The following RCL1 variants were observed in gnomAD, a reference collection of about 807,000 sequenced individuals.
RCL1 encodes RNA terminal phosphate cyclase like 1, also known as RNA 3'-terminal phosphate cyclase-like protein.
Under a neutral mutation model 42.4 loss-of-function variants are expected in RCL1, and 24 were observed. The observed-to-expected ratio is 0.57, with a 90% confidence interval of 0.41 to 0.80. The LOEUF is 0.80. Ranked by LOEUF, RCL1 falls within the 30% of genes least tolerant of loss-of-function variation. The pLI is 0.00. For synonymous variants in RCL1, 228 were observed against 177.3 expected, an observed-to-expected ratio of 1.29 and a Z score of -2.27; for missense variants, 578 against 467.9, an observed-to-expected ratio of 1.24 and a Z score of -2.17.
intron 5 of RCL1, among the ~76,000 whole-genome samples, chr9:4,835,438 GA>G (rs1817089406): frequency 6.6e-6 from 1 of 152,160 alleles, no homozygotes; most frequent in Non-Finnish European, 1.5e-5. Context: ...AAGAGTGCTG[GA>G]TCCCTATCCC....
intron 5 of RCL1, chr9:4,839,556 TG>T: frequency 1.7e-6 from 1 of 577,586 alleles, no homozygotes; most frequent in Non-Finnish European, 2.2e-6. Flanking sequence ...AGCACCTGCT[TG>T]GTCCAAAGGG....
intron 1 of RCL1, among the ~76,000 whole-genome samples, chr9:4,806,872 A>G (rs1815995621): frequency 6.6e-6 from 1 of 152,184 alleles, no homozygotes; most frequent in African/African-American, 2.4e-5. Flanking sequence ...CATATGGGCC[A>G]AGAGATTTCT....
At chr9:4,797,098 C>T (rs766611211) in intron 1 of RCL1, among the ~76,000 whole-genome samples, 38 of 152,288 alleles carry the variant, frequency 2.5e-4, no homozygotes, top group Middle Eastern at 3.4e-3. Flanking sequence ...TTCTGCCTTT[C>T]GCTATTAGCT....
At chr9:4,811,916 T>C (rs1416244632) in intron 1 of RCL1, among the ~76,000 whole-genome samples, 9 of 152,256 alleles carry the variant, frequency 5.9e-5, no homozygotes, top group East Asian at 5.8e-4. Flanking sequence ...TGATATCTCA[T>C]TGGGGTTTTG....
At chr9:4,826,501 T>A (rs150698125) in intron 2 of RCL1, among the ~76,000 whole-genome samples, 2 of 152,332 alleles carry the variant, frequency 1.3e-5, no homozygotes, top group East Asian at 3.9e-4. Context: ...TTTAAGCACA[T>A]CATTTGTAAT....
chr9:4,834,087 G>C (rs372465798), intron 4 of RCL1, 54 bp from the exon 5 acceptor site: 5 of 1,586,236 alleles, frequency 3.2e-6, no homozygotes, highest in South Asian at 1.1e-5. Flanking sequence ...AGGGTGTCAG[G>C]GTAATCCATT....
intron 7 of RCL1, among the ~76,000 whole-genome samples, chr9:4,846,132 C>G (rs973446224): frequency 6.6e-6 from 1 of 152,210 alleles, no homozygotes; most frequent in Admixed American, 6.5e-5. Context: ...TTATAGTCTA[C>G]TCCCTTGATC....
chr9:4,836,952 C>T (rs372394665), intron 5 of RCL1, among the ~76,000 whole-genome samples: 2 of 152,238 alleles, frequency 1.3e-5, no homozygotes, highest in South Asian at 4.2e-4. Context: ...TGTCCCCCAG[C>T]CCATGTAAGC....
chr9:4,838,211 C>G (rs1409596961), intron 5 of RCL1, among the ~76,000 whole-genome samples: 1 of 152,146 alleles, frequency 6.6e-6, no homozygotes, highest in Non-Finnish European at 1.5e-5. Context: ...CTCTTGTGTG[C>G]ATTTGTGGTT....
intron 1 of RCL1, among the ~76,000 whole-genome samples, chr9:4,819,967 C>A (rs372512091): frequency 5.3e-5 from 8 of 152,010 alleles, no homozygotes; most frequent in Non-Finnish European, 1.0e-4. Context: ...ACCTTTGTGA[C>A]CCCCCCATCC....
chr9:4,833,331 A>T, intron 4 of RCL1, 103 bp downstream of exon 4: 1 of 851,514 alleles, frequency 1.2e-6, no homozygotes, highest in Non-Finnish European at 2.0e-6. Context: ...TCACATTTGA[A>T]GTCACCAGTT....
At chr9:4,799,861 C>T (rs1842970148) in intron 1 of RCL1, among the ~76,000 whole-genome samples, 1 of 152,190 alleles carries the variant, frequency 6.6e-6, no homozygotes, top group Non-Finnish European at 1.5e-5. Flanking sequence ...ACTCTGGAAT[C>T]AAACCCTGAT....
chr9:4,805,581 C>T (rs887082143), intron 1 of RCL1, among the ~76,000 whole-genome samples: 8 of 152,168 alleles, frequency 5.3e-5, no homozygotes, highest in Admixed American at 2.0e-4. Flanking sequence ...GTAAGTAGGT[C>T]AAGTGGCCAG....
intron 1 of RCL1, among the ~76,000 whole-genome samples, chr9:4,820,481 C>G (rs1351370889): frequency 6.6e-6 from 1 of 152,212 alleles, no homozygotes; most frequent in African/African-American, 2.4e-5. Context: ...TGCCCATTCT[C>G]TTTCTACTTT....
chr9:4,826,423 T>C (rs1290712867), intron 2 of RCL1, among the ~76,000 whole-genome samples: 1 of 151,868 alleles, frequency 6.6e-6, no homozygotes, highest in Non-Finnish European at 1.5e-5. Flanking sequence ...GCATCATGTT[T>C]GGTGAATGAG....
chr9:4,793,044 C>G lies in RCL1; in HGVS notation c.-48C>G, dbSNP rs773807097. The G allele has an allele frequency of 2.5e-5, 40 of 1,574,120 alleles. No individual in the cohort carries two copies. The highest frequency in any genetic ancestry group is 7.1e-5 in the Admixed American group (4 of 56,566). On this transcript the variant is annotated 5_prime_UTR_variant, in exon 1 of 9. Coordinates refer to ENST00000381750, the MANE Select transcript of RCL1 (RefSeq NM_005772.5). ...CGGAGTCACGAGTCCCGCGTCTGTCCGAAGTCGCCGCTCTCGGGCTGCTCA... is the reference window on the plus strand; with the variant it reads ...CGGAGTCACGAGTCCCGCGTCTGTCGGAAGTCGCCGCTCTCGGGCTGCTCA...
intron 4 of RCL1, among the ~76,000 whole-genome samples, chr9:4,833,712 T>C (rs1817026402): frequency 6.6e-6 from 1 of 152,268 alleles, no homozygotes; most frequent in South Asian, 2.1e-4. Flanking sequence ...GTAAACCGTT[T>C]AGCATCTCTG....
At chr9:4,793,528 C>T (rs958431914) in intron 1 of RCL1, among the ~76,000 whole-genome samples, 53 of 152,360 alleles carry the variant, frequency 3.5e-4, no homozygotes, top group Admixed American at 1.7e-3. Context: ...CGCCCCTTCG[C>T]GTCCCTTCGG....
At chr9:4,848,241 T>G (rs976006651) in intron 7 of RCL1, among the ~76,000 whole-genome samples, 1 of 152,238 alleles carries the variant, frequency 6.6e-6, no homozygotes, top group Non-Finnish European at 1.5e-5. Context: ...GTCCTAGAAT[T>G]TGCTATGTGA....
Sources: allele counts gnomAD v4.1 joint callset (sites outside exome capture counted in the v4.1 genomes callset), GRCh38; gene constraint gnomAD v4.1.1; transcripts MANE v1.5; gene names NCBI Gene and HGNC (gene_info 2026-07-23, HGNC 2026-07-21).